The following KDM7A variants were observed in gnomAD, a reference collection of about 807,000 sequenced individuals.
The protein encoded by KDM7A is lysine-specific demethylase 7A.
In KDM7A, 28 loss-of-function variants were observed where a neutral mutation model predicts 114.8. The ratio of observed to expected loss-of-function variants is 0.24; its 90% confidence interval spans 0.18 to 0.33. The LOEUF is 0.33. Among genes scored for constraint, KDM7A ranks in the 10% least tolerant of loss-of-function variants. The probability of loss-of-function intolerance (pLI) is 1.00; values close to 1 mark genes in which losing one functional copy is unlikely to be tolerated. For synonymous variants in KDM7A, 423 were observed against 397.8 expected (o/e 1.06, Z -0.75); for missense variants, 942 against 1,142.5 (o/e 0.82, Z 2.53).
intron 11 of KDM7A, 146 bp from the exon 12 acceptor site, chr7:140,102,306 A>G (rs1818243973): frequency 1.6e-6 from 1 of 639,594 alleles, no homozygotes; most frequent in Non-Finnish European, 2.7e-6. Context: ...CTAAGCTTCA[A>G]ACAGCTTTGC....
rs140473215 is a variant in KDM7A, at chr7:140,168,671, T to C, written c.194+8073A>G. On this transcript the variant is annotated intron_variant, in intron 1 of 19. Transcript: ENST00000397560. ...ATACATTAAAGTCAGGTGAAAAGAA[T>C]TGACCTAAGTAACTTTGGAAAACAA... 2.0e-3 allele frequency among the ~76,000 whole-genome samples: 301 copies of C among 151,870 alleles called. 1 individual carries two copies. The highest frequency in any genetic ancestry group is 3.7e-3 in the Non-Finnish European group (251 of 67,960).
At chr7:140,124,472 C>G (rs567244664) in intron 7 of KDM7A, 149 bp downstream of exon 7, 2 of 568,062 alleles carry the variant, frequency 3.5e-6, no homozygotes, top group South Asian at 6.1e-5. Context: ...CTCTAAGGAA[C>G]AAAACATAAA....
At chr7:140,091,454 C>T (rs1343899258) in intron 19 of KDM7A, among the ~76,000 whole-genome samples, 1 of 152,192 alleles carries the variant, frequency 6.6e-6, no homozygotes, top group Non-Finnish European at 1.5e-5. Context: ...TATGCTTAGG[C>T]AACAAAACTG....
intron 1 of KDM7A, among the ~76,000 whole-genome samples, chr7:140,145,111 T>C (rs1794326260): frequency 6.6e-6 from 1 of 152,188 alleles, no homozygotes; most frequent in South Asian, 2.1e-4. Context: ...TACAAAACCA[T>C]TTAAACAGCC....
intron 12 of KDM7A, among the ~76,000 whole-genome samples, chr7:140,101,266 C>G (rs1361919042): frequency 6.6e-6 from 1 of 152,212 alleles, no homozygotes; most frequent in African/African-American, 2.4e-5. Context: ...ACCTCCCACT[C>G]TCCCCTTTGT....
intron 12 of KDM7A, 84 bp downstream of exon 12, chr7:140,101,867 G>A: frequency 1.1e-6 from 1 of 896,980 alleles, no homozygotes; most frequent in South Asian, 1.5e-5. Context: ...ATCAACAATA[G>A]TCAAGACTAT....
intron 1 of KDM7A, among the ~76,000 whole-genome samples, chr7:140,172,819 A>G (rs1053039489): frequency 1.3e-5 from 2 of 152,236 alleles, no homozygotes; most frequent in African/African-American, 4.8e-5. Flanking sequence ...CATGGAATGC[A>G]TAGAAAGAAT....
chr7:140,102,236 A>T (rs1368070003), intron 11 of KDM7A, 76 bp from the exon 12 acceptor site: 20 of 1,080,468 alleles, frequency 1.9e-5, no homozygotes, highest in Non-Finnish European at 2.5e-5. Context: ...CATCCATAAA[A>T]ATATTTCAGA....
chr7:140,147,773 A>C (rs2116831747), intron 1 of KDM7A, among the ~76,000 whole-genome samples: 1 of 152,308 alleles, frequency 6.6e-6, no homozygotes, highest in East Asian at 1.9e-4. Context: ...AGGAGAGGCA[A>C]GGTATCCTCA....
intron 2 of KDM7A, among the ~76,000 whole-genome samples, chr7:140,135,813 A>G (rs1352819939): frequency 6.6e-6 from 1 of 152,160 alleles, no homozygotes; most frequent in Non-Finnish European, 1.5e-5. Context: ...TGTCTCCAAA[A>G]AAGTGGTACT....
At chr7:140,118,313 A>C (rs749596189) in intron 9 of KDM7A, among the ~76,000 whole-genome samples, 4 of 152,250 alleles carry the variant, frequency 2.6e-5, no homozygotes, top group Non-Finnish European at 5.9e-5. Flanking sequence ...CAAAAGATTA[A>C]AACATCAAAG....
chr7:140,126,778 G>A lies in KDM7A; in HGVS notation c.747C>T (p.Ser249=). 6.2e-7 allele frequency: 1 copy of A among 1,613,888 alleles called. No individual in the cohort carries two copies. Among genetic ancestry groups the A allele is most frequent in the Non-Finnish European group, 8.5e-7 (1 of 1,179,920 alleles). Residue 249 remains serine, a synonymous_variant, in exon 6 of 20, where the codon TCC becomes TCT. Transcript: ENST00000397560. ...VEVPDIAKKL[S]WVENYWPDDS... Reference sequence around the variant, plus strand: ...CATCTGGCCAATAATTTTCCACCCAGGAAAGTTTTTTGGCTATATCAGGGA... The same window carrying A: ...CATCTGGCCAATAATTTTCCACCCAAGAAAGTTTTTTGGCTATATCAGGGA...
intron 1 of KDM7A, among the ~76,000 whole-genome samples, chr7:140,174,205 A>G (rs1210093340): frequency 2.0e-5 from 3 of 152,182 alleles, no homozygotes; most frequent in Non-Finnish European, 4.4e-5. Flanking sequence ...TAAACTTAAT[A>G]AAAAGATACT....
intron 1 of KDM7A, among the ~76,000 whole-genome samples, chr7:140,153,950 A>G (rs1435180134): frequency 6.6e-6 from 1 of 152,196 alleles, no homozygotes; most frequent in East Asian, 1.9e-4. Context: ...AGGCAGCAAA[A>G]CATGCTCTCC....
rs1269100046 is a variant in KDM7A, at chr7:140,090,172, T to C, written c.*922A>G. 2 of 152,168 alleles carry C rather than the reference T, an allele frequency of 1.3e-5. No individual in the cohort carries two copies. The highest frequency in any genetic ancestry group is 2.9e-5 in the Non-Finnish European group (2 of 68,032). 9.4% of individuals were successfully genotyped at this position (152,168 alleles called of 1,614,324 possible). A position where few individuals can be genotyped will look rare whatever the true frequency, so the allele number is the denominator to read the frequency against. On this transcript the variant is annotated 3_prime_UTR_variant, in exon 20 of 20. Transcript: ENST00000397560. ...ACTTTTCCCACAAGTAGGAAAAATATATTAAAGCTGCTCTCTTTGGGACCC... is the reference window on the plus strand; with the variant it reads ...ACTTTTCCCACAAGTAGGAAAAATACATTAAAGCTGCTCTCTTTGGGACCC...
intron 12 of KDM7A, among the ~76,000 whole-genome samples, chr7:140,100,711 CATATATATATATATATAT>C (rs58767645): frequency 1.8e-4 from 10 of 56,984 alleles, no homozygotes; most frequent in Non-Finnish European, 3.0e-4. Flanking sequence ...TATATATACA[CATATATATATATATATAT>C]ATATATATAT....
chr7:140,088,578 C>A lies in KDM7A; in HGVS notation c.*2516G>T. On this transcript the variant is annotated 3_prime_UTR_variant, in exon 20 of 20. Transcript: ENST00000397560. ...GCCATTTCCATGAGATAAAGGGATG[C>A]ATTATGGCCAGTAATGTTATAAGAC... is the stretch of plus-strand genomic sequence containing the variant. The A allele has an allele frequency of 2.5e-6, 1 of 398,094 alleles. No individual in the cohort carries two copies. Among genetic ancestry groups the A allele is most frequent in the East Asian group, 3.6e-5 (1 of 28,058 alleles). 24.7% of individuals were successfully genotyped at this position (398,094 alleles called of 1,614,324 possible).
At chr7:140,131,767 T>C (rs1411147852) in intron 3 of KDM7A, among the ~76,000 whole-genome samples, 1 of 152,232 alleles carries the variant, frequency 6.6e-6, no homozygotes, top group East Asian at 1.9e-4. Context: ...ATTTCCCCTT[T>C]TGATCAAACA....
chr7:140,108,997 C>T (rs1818389449), intron 11 of KDM7A, among the ~76,000 whole-genome samples: 2 of 152,156 alleles, frequency 1.3e-5, no homozygotes, highest in South Asian at 4.1e-4. Context: ...AACCTCGCTG[C>T]CACCTTGCAG....
Sources: gnomAD v4.1 joint callset for allele counts (sites outside exome capture counted in the v4.1 genomes callset) on GRCh38, gnomAD v4.1.1 for gene constraint, MANE v1.5 for transcripts, NCBI Gene and HGNC (gene_info 2026-07-23, HGNC 2026-07-21) for gene names.